DTX2: variants seen among roughly 807,000 people sequenced by gnomAD.
The protein encoded by DTX2 is deltex E3 ubiquitin ligase 2, also known as probable E3 ubiquitin-protein ligase DTX2.
Under a neutral mutation model 55.3 loss-of-function variants are expected in DTX2, and 29 were observed. The ratio of observed to expected loss-of-function variants is 0.52; its 90% CI spans 0.39 to 0.71. DTX2 has a LOEUF of 0.71. Among genes scored for constraint, DTX2 ranks in the 30% least tolerant of loss-of-function variants. DTX2 has a pLI of 0.00. For synonymous variants in DTX2, 276 were observed against 340.4 expected (o/e 0.81, Z 2.08); for missense variants, 537 against 822.5 (o/e 0.65, Z 4.25).
At chr7:76,498,876 G>GTGGAGGTGTGGGGTGTA (rs1171334738) in intron 6 of DTX2, among the ~76,000 whole-genome samples, 1 of 73,110 alleles carries the variant, frequency 1.4e-5, no homozygotes. Context: ...TGTGGGGTGT[G>GTGGAGGTGTGGGGTGTA]TGGAGGTGTG....
At chr7:76,469,783 C>T (rs552283460) in intron 2 of DTX2, among the ~76,000 whole-genome samples, 19 of 150,748 alleles carry the variant, frequency 1.3e-4, no homozygotes, top group African/African-American at 4.2e-4. Flanking sequence ...GTTTGTCCGT[C>T]GTCAGTCTGT....
At chr7:76,469,575 A>G (rs1329353945) in intron 2 of DTX2, among the ~76,000 whole-genome samples, 2 of 149,672 alleles carry the variant, frequency 1.3e-5, no homozygotes, top group East Asian at 2.0e-4. Flanking sequence ...TGTATTTTTT[A>G]GTAGAGACAG....
Position 76,482,949 on chromosome 7 carries a change from T to G in DTX2, c.710T>G (p.Val237Gly), listed in dbSNP as rs569884280. The change falls in exon 4 of 11, where the codon GTG (valine) becomes GGG (glycine). Residue 237 changes from valine (V) to glycine (G), a missense_variant. Val to Gly is a moderately radical substitution (Grantham distance 109, BLOSUM62 -3). This residue lies in a region of DTX2 where 301 missense variants were observed against 396.6 expected (regional missense o/e 0.76). Coordinates refer to ENST00000430490, the MANE Select transcript of DTX2 (RefSeq NM_001102594.3). The stretch of plus-strand genomic sequence containing the variant: ...CACCCCCCACACAGGACCGCTTCTG[T>G]GTTTGGGACCCACCAGGCCTTTGCA... Reference protein sequence around the residue: ...PQHPPHRTASVFGTHQAFAPY... With the variant: ...PQHPPHRTASGFGTHQAFAPY... 75 of 1,613,716 alleles carry G rather than the reference T, an allele frequency of 4.6e-5. No individual in the cohort carries two copies. The highest frequency in any genetic ancestry group is 3.3e-4 in the Admixed American group (20 of 60,014).
chr7:76,489,896 A>C (rs2258855), intron 4 of DTX2, among the ~76,000 whole-genome samples: 64,248 of 129,716 alleles, frequency 0.5, 19,886 homozygotes, highest in African/African-American at 0.65. Flanking sequence ...TTAAAAAAAA[A>C]AAAAACAACA....
At chr7:76,468,447 C>CTT (rs1807434283) in intron 2 of DTX2, among the ~76,000 whole-genome samples, 20 of 77,646 alleles carry the variant, frequency 2.6e-4, no homozygotes, top group South Asian at 5.4e-4. Flanking sequence ...GGCCCACTGC[C>CTT]ATTTTTTTTT....
intron 9 of DTX2, 124 bp downstream of exon 9, chr7:76,503,711 C>A: frequency 1.9e-6 from 2 of 1,041,874 alleles, no homozygotes; most frequent in Non-Finnish European, 2.7e-6. Flanking sequence ...GCCCCCAGGT[C>A]CCCTAAGGCC....
chr7:76,468,447 C>CTTT (rs1807434283), intron 2 of DTX2, among the ~76,000 whole-genome samples: 9 of 77,648 alleles, frequency 1.2e-4, no homozygotes, highest in Admixed American at 1.6e-4. Flanking sequence ...GGCCCACTGC[C>CTTT]ATTTTTTTTT....
At position 76,505,455 on chromosome 7, in the gene DTX2, A is replaced by G. The variant is rs752437258; in HGVS notation, c.1723A>G (p.Thr575Ala). ...GTCCAGCACCACGGGTGAGACGGAC[A>G]CCGTGGTATGGAACGAGATCCACCA... ...GTSSTTGETD[T>A]VVWNEIHHKT... Residue 575 changes from threonine (T) to alanine (A), a missense_variant, in exon 11 of 11, where the codon ACC becomes GCC. By Grantham distance (58) the Thr-to-Ala change is moderately conservative. Transcript: ENST00000430490. This position sits in a 1 kb window ranked among gnomAD's most constrained non-coding sequence, Gnocchi z 4.4. The G allele has an allele frequency of 6.2e-7, 1 of 1,606,640 alleles. No homozygotes were observed. The highest frequency in any genetic ancestry group is 8.5e-7 in the Non-Finnish European group (1 of 1,176,854).
At chr7:76,480,811 G>A (rs1809107157) in intron 3 of DTX2, 34 bp downstream of exon 3, 3 of 1,544,934 alleles carry the variant, frequency 1.9e-6, no homozygotes, top group Admixed American at 1.9e-5. Flanking sequence ...ACATATCTGG[G>A]TGCCGCACCT....
chr7:76,501,170 G>A (rs1464695598), intron 7 of DTX2: 13 of 412,350 alleles, frequency 3.2e-5, no homozygotes, highest in Non-Finnish European at 4.8e-5. Context: ...GTGAACGGCC[G>A]GGAGTACCAG....
chr7:76,504,897 A>C (rs1033923816), intron 10 of DTX2, among the ~76,000 whole-genome samples: 2 of 152,104 alleles, frequency 1.3e-5, no homozygotes, highest in African/African-American at 4.8e-5. Context: ...CACCAGGGGT[A>C]GAGCTGGTTC....
chr7:76,468,448 ATTT>A (rs1202957368), intron 2 of DTX2, among the ~76,000 whole-genome samples: 3 of 37,028 alleles, frequency 8.1e-5, no homozygotes, highest in African/African-American at 2.9e-4. Flanking sequence ...GCCCACTGCC[ATTT>A]TTTTTTTTTT....
At chr7:76,468,872 C>G (rs1389408402) in intron 2 of DTX2, among the ~76,000 whole-genome samples, 1 of 136,378 alleles carries the variant, frequency 7.3e-6, no homozygotes, top group African/African-American at 2.9e-5. Flanking sequence ...AAGTGATTCT[C>G]CTGCCCCAGC....
At position 76,482,665 on chromosome 7, in the gene DTX2, C is replaced by G. The variant is rs777415062; in HGVS notation, c.426C>G (p.Leu142=). 10 of 1,613,396 alleles carry G rather than the reference C, an allele frequency of 6.2e-6. No individual in the cohort carries two copies. Among genetic ancestry groups the G allele is most frequent in the Non-Finnish European group, 8.5e-6 (10 of 1,179,572 alleles). The change falls in exon 4 of 11, where the codon CTC becomes CTG. Residue 142 remains leucine, a synonymous_variant. Coordinates refer to ENST00000430490, the MANE Select transcript of DTX2 (RefSeq NM_001102594.3). ...AGCAGGTGGCCAGGGGCAACCAGCT[C>G]GTGGACTTGGCCCCCCTGGGGTACA... ...LEQQVARGNQ[L]VDLAPLGYNY...
intron 2 of DTX2, among the ~76,000 whole-genome samples, chr7:76,474,312 C>A (rs1386272442): frequency 1.3e-5 from 2 of 151,642 alleles, no homozygotes; most frequent in Non-Finnish European, 2.9e-5. Context: ...ACCTTGGCCT[C>A]CCAAAACGCT....
chr7:76,484,275 T>A (rs1809653688), intron 4 of DTX2, among the ~76,000 whole-genome samples: 1 of 103,430 alleles, frequency 9.7e-6, no homozygotes, highest in Admixed American at 1.1e-4. Context: ...ACCCAGGAGG[T>A]GGAGGTTGCA....
At chr7:76,499,027 GGT>G (rs1811313809) in intron 6 of DTX2, among the ~76,000 whole-genome samples, 1 of 53,522 alleles carries the variant, frequency 1.9e-5, no homozygotes, top group East Asian at 5.9e-4. Flanking sequence ...GGGTGTGTGA[GGT>G]GGGGTGTGAG....
rs371833707 is a variant in DTX2 at position 76,480,666 on chromosome 7, C to T, written c.157C>T (p.Arg53Cys). 8.1e-6 allele frequency: 13 copies of T among 1,613,718 alleles called. No individual in the cohort carries two copies. Among genetic ancestry groups the T allele is most frequent in the East Asian group, 4.5e-5 (2 of 44,886 alleles). Residue 53 changes from arginine to cysteine, a missense_variant, in exon 3 of 11, where the codon CGT becomes TGT. By Grantham distance (180) the Arg-to-Cys change is radical. Transcript: ENST00000430490. ...GCAGTTTGTCCAGCAGAAGGGCCAA[C>T]GTTTTGGGCTTGGGAGCCTGGCCCA... ...EQQFVQQKGQ[R>C]FGLGSLAHSI... is the part of the protein sequence containing the mutation.
rs781584052 is a variant in DTX2 at position 76,480,541 on chromosome 7, A to G, written c.32A>G (p.Gln11Arg). The change falls in exon 3 of 11, where the codon CAG becomes CGG. Residue 11 changes from glutamine (Q) to arginine (R), a missense_variant. Around this residue, in one of 7 missense-constraint regions of DTX2, gnomAD observed 301 missense variants for 396.6 expected, o/e 0.76. Transcript: ENST00000430490. MAMAPSPSLVQVYTSPAAVAV... is the reference protein window; with the variant it reads MAMAPSPSLVRVYTSPAAVAV... ...ATGGCCCCAAGCCCTTCCCTGGTGC[A>G]GGTGTACACCAGCCCCGCGGCTGTG... is the stretch of plus-strand genomic sequence containing the variant. The G allele has an allele frequency of 3.7e-6, 6 of 1,610,608 alleles. No homozygotes were observed. The highest frequency in any genetic ancestry group is 5.1e-6 in the Non-Finnish European group (6 of 1,179,046).
Sources: gnomAD v4.1 joint callset for allele counts (sites outside exome capture counted in the v4.1 genomes callset) on GRCh38, gnomAD v4.1.1 for gene constraint, gnomAD v4.1.1 regional missense constraint, Gnocchi (gnomAD v3.1) non-coding constraint, MANE v1.5 for transcripts, NCBI Gene and HGNC (gene_info 2026-07-23, HGNC 2026-07-21) for gene names.